The following LSG1 variants were observed in gnomAD, a reference collection of about 807,000 sequenced individuals.
LSG1 encodes the protein large 60S subunit nuclear export GTPase 1.
LSG1 carries 55 observed loss-of-function variants against 82.6 expected under a neutral mutation model. The observed-to-expected ratio is 0.67, with a 90% CI of 0.54 to 0.83. The LOEUF is 0.83. Ranked by LOEUF, LSG1 falls within the 40% of genes least tolerant of loss-of-function variation. The pLI, the probability that LSG1 is intolerant of heterozygous loss-of-function variation, is 0.00. For synonymous variants in LSG1, 272 were observed against 282.5 expected (o/e 0.96, Z 0.37); for missense variants, 809 against 807.9 (o/e 1.00, Z -0.02).
intron 5 of LSG1, chr3:194,660,705 T>A (rs74617978): frequency 0.018 from 5,625 of 316,590 alleles, 86 homozygotes; most frequent in African/African-American, 0.043. Context: ...CAACAATGTG[T>A]TTAAATGGCA....
intron 11 of LSG1, among the ~76,000 whole-genome samples, chr3:194,648,439 T>C (rs1467590847): frequency 6.6e-6 from 1 of 152,126 alleles, no homozygotes; most frequent in African/African-American, 2.4e-5. Context: ...CAGCCTACGA[T>C]GAGAACCCCT....
chr3:194,645,495 T>TACACACACACACACACACAC (rs56936610), intron 12 of LSG1: 2 of 62,030 alleles, frequency 3.2e-5, no homozygotes, highest in Non-Finnish European at 6.0e-5. Flanking sequence ...AGCTTAGTGC[T>TACACACACACACACACACAC]ACACACACAC....
Position 194,652,840 on chromosome 3 carries a change from C to G in LSG1, c.1062G>C (p.Lys354Asn), listed in dbSNP as rs1443551027. ...SEARSRKTPQ[K>N]RQIHNFSHLV... is the part of the protein sequence containing the mutation. ...GATGGCTAAAATTGTGTATCTGCCT[C>G]TTCTGTGGGGTTTTCCTGCTCCGAG... Residue 354 changes from lysine (K) to asparagine (N), a missense_variant, in exon 8 of 14, where the codon AAG becomes AAC. Physicochemically the swap from Lys to Asn is moderately conservative, Grantham distance 94 (BLOSUM62 0). Coordinates refer to ENST00000265245, the MANE Select transcript of LSG1 (RefSeq NM_018385.3). The G allele has an allele frequency of 1.2e-6, 2 of 1,614,028 alleles. No homozygotes were observed. Among genetic ancestry groups the G allele is most frequent in the African/African-American group, 2.7e-5 (2 of 74,890 alleles).
At position 194,672,120 on chromosome 3, in the gene LSG1, C is replaced by T. The variant is rs779940370; in HGVS notation, c.43G>A (p.Ala15Thr). 8.1e-6 allele frequency: 13 copies of T among 1,608,116 alleles called. No homozygotes were observed. In the South Asian group the frequency reaches 1.4e-4, roughly 18 times the overall value. Residue 15 changes from alanine (A) to threonine (T), a missense_variant, in exon 1 of 14, where the codon GCC (alanine) becomes ACC (threonine). By Grantham distance (58) the Ala-to-Thr change is moderately conservative. Transcript: ENST00000265245. ...RAPAGGSLGR[A>T]LMRHQTQRSR... ...CGCTGAGTCTGATGGCGCATAAGGG[C>T]CCGTCCCAGCGACCCACCGGCCGGG...
At position 194,641,891 on chromosome 3, in the gene LSG1, T is replaced by C. The variant is rs711994; in HGVS notation, c.*177A>G. On this transcript the variant is annotated 3_prime_UTR_variant, in exon 14 of 14. Coordinates refer to ENST00000265245, the MANE Select transcript of LSG1 (RefSeq NM_018385.3). Reference sequence around the variant, plus strand: ...CCCAGATGACTCCTTTTTGTCAGAGTTGGTGTTTCCAGGAGGCCCTTGGTC... The same window carrying C: ...CCCAGATGACTCCTTTTTGTCAGAGCTGGTGTTTCCAGGAGGCCCTTGGTC... 0.078 allele frequency: 44,832 copies of C among 573,244 alleles called. 2,279 individuals carry two copies. Among genetic ancestry groups the C allele is most frequent in the Non-Finnish European group, 0.1 (34,558 of 337,122 alleles). 35.5% of individuals were successfully genotyped at this position (573,244 alleles called of 1,614,324 possible). A position where few individuals can be genotyped will look rare whatever the true frequency, so the allele number is the denominator to read the frequency against.
chr3:194,664,786 GGT>G (rs1472029046), intron 5 of LSG1, among the ~76,000 whole-genome samples: 3 of 152,068 alleles, frequency 2.0e-5, no homozygotes, highest in Non-Finnish European at 4.4e-5. Context: ...TGGGCGTGGT[GGT>G]GTGCGCCTGT....
chr3:194,654,773 T>C (rs1718759166), intron 7 of LSG1, among the ~76,000 whole-genome samples: 1 of 152,146 alleles, frequency 6.6e-6, no homozygotes, highest in Non-Finnish European at 1.5e-5. Flanking sequence ...GCCGTAATTA[T>C]GTTAAAAATT....
At chr3:194,645,515 C>CACACACACACACAGACAG (rs1718507184) in intron 12 of LSG1, 1 of 53,962 alleles carries the variant, frequency 1.9e-5, no homozygotes, top group African/African-American at 5.9e-5. Context: ...CACACACACA[C>CACACACACACACAGACAG]ACACACACAC....
intron 12 of LSG1, among the ~76,000 whole-genome samples, chr3:194,645,917 G>C (rs963925947): frequency 6.6e-6 from 1 of 152,100 alleles, no homozygotes; most frequent in African/African-American, 2.4e-5. Flanking sequence ...ACAAGCAAAG[G>C]GCTGTAGGAG....
At chr3:194,667,942 A>AAAAAAAAAAAAAAATATAT (rs1416407494) in intron 2 of LSG1, among the ~76,000 whole-genome samples, 4 of 86,968 alleles carry the variant, frequency 4.6e-5, no homozygotes, top group African/African-American at 1.4e-4. Context: ...AAAAAAAAAA[A>AAAAAAAAAAAAAAATATAT]ATATATATAT....
intron 2 of LSG1, among the ~76,000 whole-genome samples, chr3:194,667,613 A>G (rs1719055675): frequency 6.6e-6 from 1 of 151,934 alleles, no homozygotes; most frequent in Admixed American, 6.6e-5. Flanking sequence ...TCTGGCAGAT[A>G]TTACTAATGA....
At chr3:194,662,633 G>A (rs111287700) in intron 5 of LSG1, among the ~76,000 whole-genome samples, 9,185 of 152,120 alleles carry the variant, frequency 0.06, 313 homozygotes, top group Middle Eastern at 0.1. Flanking sequence ...GTGGTGGCGC[G>A]TGCCTGTAAT....
Position 194,641,062 on chromosome 3 carries a change from C to T in LSG1, c.*1006G>A, listed in dbSNP as rs1435975927. ...TTCGTGAGGACTCTGCCCCATAATC[C>T]CATCGCCTCCCACCAGGGGGCTTAC... On this transcript the variant is annotated 3_prime_UTR_variant, in exon 14 of 14. Transcript: ENST00000265245. 2 of 152,190 alleles carry T rather than the reference C, an allele frequency of 1.3e-5. No individual in the cohort carries two copies. Among genetic ancestry groups the T allele is most frequent in the African/African-American group, 2.4e-5 (1 of 41,424 alleles). 9.4% of individuals were successfully genotyped at this position (152,190 alleles called of 1,614,324 possible).
rs1279478556 is a variant in LSG1 at position 194,652,734 on chromosome 3, C to T, written c.1168G>A (p.Gly390Arg). The T allele has an allele frequency of 3.7e-6, 6 of 1,611,370 alleles. No homozygotes were observed. The highest frequency in any genetic ancestry group is 1.6e-4 in the Middle Eastern group (1 of 6,072). Residue 390 changes from glycine to arginine, a missense_variant, in exon 8 of 14, where the codon GGA becomes AGA. Gly to Arg is a moderately radical substitution (Grantham distance 125). Coordinates refer to ENST00000265245, the MANE Select transcript of LSG1 (RefSeq NM_018385.3). ...RKVKDGQLTV[G>R]LVGYPNVGKS... ...TATGACATATGTCATCTTACCAGTC[C>T]GACCGTAAGTTGCCCATCTTTCACC... is the stretch of plus-strand genomic sequence containing the variant.
chr3:194,654,590 A>C (rs1718754520), intron 7 of LSG1, among the ~76,000 whole-genome samples: 4 of 152,218 alleles, frequency 2.6e-5, no homozygotes. Flanking sequence ...ATGGTAAATG[A>C]GCAGCGAAGG....
At position 194,645,547 on chromosome 3, in the gene LSG1, C is replaced by CACACACAGACAG. The variant is rs1560219715; in HGVS notation, c.1623+616_1623+617insCTGTCTGTGTGT. ...ACACACACAGACAGACACACACACA[C>CACACACAGACAG]ACACACACACACACACACACACAGA... is the stretch of plus-strand genomic sequence containing the variant. On this transcript the variant is annotated intron_variant, in intron 12 of 13. Transcript: ENST00000265245. 3.0e-4 allele frequency: 14 copies of CACACACAGACAG among 46,792 alleles called. 3 individuals carry two copies. Among genetic ancestry groups the CACACACAGACAG allele is most frequent in the Non-Finnish European group, 6.2e-4 (14 of 22,438 alleles). The allele number at this position is 46,792 out of a possible 1,614,324, so 2.9% of individuals were successfully genotyped here. A position where few individuals can be genotyped will look rare whatever the true frequency, so the allele number is the denominator to read the frequency against.
intron 13 of LSG1, among the ~76,000 whole-genome samples, chr3:194,643,083 A>G (rs1360617816): frequency 6.6e-6 from 1 of 152,168 alleles, no homozygotes; most frequent in Non-Finnish European, 1.5e-5. Flanking sequence ...CCCCTGTCCT[A>G]TTTTCGCTAT....
chr3:194,660,774 T>A, intron 5 of LSG1: 1 of 427,838 alleles, frequency 2.3e-6, no homozygotes, highest in Non-Finnish European at 4.7e-6. Context: ...GAATGGCAAG[T>A]CCAACTTCTT....
In LSG1 at chr3:194,641,421, C is replaced by CTAGG. The variant is rs1262771265; in HGVS notation, c.*643_*646dup. ...GTGGAATAACCAGTGAAGATGGGGG[C>CTAGG]TAGGTAGTAAATACCGCAGCTTCCC... On this transcript the variant is annotated 3_prime_UTR_variant, in exon 14 of 14. Coordinates refer to ENST00000265245, the MANE Select transcript of LSG1 (RefSeq NM_018385.3). 1.2e-4 allele frequency: 18 copies of CTAGG among 152,162 alleles called. No individual in the cohort carries two copies. The East Asian group carries it at 3.5e-3, about 29-fold the overall frequency. The allele number at this position is 152,162 out of a possible 1,614,324, so 9.4% of individuals were successfully genotyped here.
Sources: gnomAD v4.1 joint callset for allele counts (sites outside exome capture counted in the v4.1 genomes callset) on GRCh38, gnomAD v4.1.1 for gene constraint, MANE v1.5 for transcripts, NCBI Gene and HGNC (gene_info 2026-07-23, HGNC 2026-07-21) for gene names.